Variants in ST14 observed in about 807,000 individuals in gnomAD.
ST14 encodes the protein ST14 transmembrane serine protease matriptase.
In ST14, 40 loss-of-function variants were observed where a neutral mutation model predicts 96.5. The observed-to-expected ratio is 0.41, with a 90% CI of 0.32 to 0.54. The LOEUF (loss-of-function observed/expected upper bound fraction) is 0.54. Among genes scored for constraint, ST14 ranks in the 20% least tolerant of loss-of-function variants. The pLI, the probability that ST14 is intolerant of heterozygous loss-of-function variation, is 0.17. For missense variants in ST14, 1,066 were observed against 1,188.9 expected (o/e 0.90, Z 1.52); for synonymous variants, 506 against 492.1 (o/e 1.03, Z -0.37).
At chr11:130,169,337 C>T (rs1485280986) in intron 1 of ST14, among the ~76,000 whole-genome samples, 1 of 152,130 alleles carries the variant, frequency 6.6e-6, no homozygotes, top group Non-Finnish European at 1.5e-5. Context: ...TCAGGTGATC[C>T]ACCCGCCTTG....
chr11:130,167,301 AT>A (rs1418972151), intron 1 of ST14, among the ~76,000 whole-genome samples: 1 of 152,174 alleles, frequency 6.6e-6, no homozygotes, highest in Non-Finnish European at 1.5e-5. Flanking sequence ...TTCTAAAAAA[AT>A]TTTTTTCCTC....
In ST14 at chr11:130,196,393, C is replaced by T; in HGVS notation, c.1168C>T (p.Pro390Ser). The T allele has an allele frequency of 6.2e-7, 1 of 1,609,854 alleles. No individual in the cohort carries two copies. The highest frequency in any genetic ancestry group is 1.1e-5 in the South Asian group (1 of 89,984). ...VRFKFFYLLE[P>S]GVPAGTCPKD... ...CTTCAAATTCTTCTACCTGCTGGAG[C>T]CCGGCGTGCCTGCGGGCACCTGCCC... is the stretch of plus-strand genomic sequence containing the variant. Residue 390 changes from proline (P) to serine (S), a missense_variant, in exon 10 of 19, where the codon CCC becomes TCC. Physicochemically the swap from Pro to Ser is moderately conservative, Grantham distance 74 (BLOSUM62 -1). Coordinates refer to ENST00000278742, the MANE Select transcript of ST14 (RefSeq NM_021978.4).
At position 130,194,154 on chromosome 11, in the gene ST14, G is replaced by A; in HGVS notation, c.881G>A (p.Cys294Tyr). 6.2e-7 allele frequency: 1 copy of A among 1,614,212 alleles called. No individual in the cohort carries two copies. Among genetic ancestry groups the A allele is most frequent in the South Asian group, 1.1e-5 (1 of 91,086 alleles). The change falls in exon 8 of 19, where the codon TGT becomes TAT. Residue 294 changes from cysteine (C) to tyrosine (Y), a missense_variant. By Grantham distance (194) the Cys-to-Tyr change is radical. Transcript: ENST00000278742. ...CCCGCCCTCTGCCCCCACAGGTTGT[G>A]TGGCACCTACCCTCCCTCCTACAAC... ...PMEPHALVQL[C>Y]GTYPPSYNLT...
chr11:130,167,753 C>A (rs780302218), intron 1 of ST14, among the ~76,000 whole-genome samples: 8 of 151,744 alleles, frequency 5.3e-5, no homozygotes, highest in Non-Finnish European at 1.2e-4. Flanking sequence ...CTTGCTCTGT[C>A]GCCTAGGCTG....
rs182618670 is a variant in ST14, at chr11:130,195,742, G to C, written c.1114-597G>C. Among the ~76,000 whole-genome samples the C allele has an allele frequency of 2.0e-5, 3 of 152,042 alleles. No individual in the cohort carries two copies. In the East Asian group the frequency reaches 5.8e-4, roughly 29 times the overall value. On this transcript the variant is annotated intron_variant, in intron 9 of 18. Coordinates refer to ENST00000278742, the MANE Select transcript of ST14 (RefSeq NM_021978.4). ...ATGGCGGGCACCTGTAATCCCAGCT[G>C]CTCGGGAGACTGAGGCAGGAAAGTA...
rs567274534 is a variant in ST14 at position 130,161,569 on chromosome 11, G to A, written c.81+1509G>A. Among the ~76,000 whole-genome samples the A allele has an allele frequency of 1.9e-3, 286 of 151,996 alleles. 2 individuals are homozygous for A. The highest frequency in any genetic ancestry group is 6.5e-3 in the African/African-American group (272 of 41,530). On this transcript the variant is annotated intron_variant, in intron 1 of 18. Transcript: ENST00000278742. Reference sequence around the variant, plus strand: ...CCACCTGACAAGCAGCCAGGCTGGGGCTCACCTTCCACTCACCCCCAGGAT... The same window carrying A: ...CCACCTGACAAGCAGCCAGGCTGGGACTCACCTTCCACTCACCCCCAGGAT...
At chr11:130,202,583 C>CA (rs923402932) in intron 16 of ST14, among the ~76,000 whole-genome samples, 62 of 152,298 alleles carry the variant, frequency 4.1e-4, no homozygotes, top group African/African-American at 1.3e-3. Context: ...TCAGACCTTC[C>CA]AGACAAAGGG....
rs116691770 is a variant in ST14 at position 130,177,910 on chromosome 11, G to C, written c.82-10204G>C. On this transcript the variant is annotated intron_variant, in intron 1 of 18. Coordinates refer to ENST00000278742, the MANE Select transcript of ST14 (RefSeq NM_021978.4). ...CTGTGCCAATTCTCATGAGCGGTGC[G>C]AGGTCCTAACCGGGTCCATGCACCT... Among the ~76,000 whole-genome samples the C allele has an allele frequency of 6.3e-3, 963 of 152,352 alleles. 8 individuals are homozygous for C. Among genetic ancestry groups the C allele is most frequent in the African/African-American group, 0.022 (897 of 41,576 alleles).
intron 16 of ST14, 142 bp downstream of exon 16, chr11:130,200,279 T>C (rs1460413792): frequency 1.1e-6 from 1 of 929,388 alleles, no homozygotes; most frequent in Non-Finnish European, 1.6e-6. Flanking sequence ...TCTAAAGAAA[T>C]ACCTGAGACT....
chr11:130,162,923 G>A (rs1490117833), intron 1 of ST14, among the ~76,000 whole-genome samples: 1 of 152,188 alleles, frequency 6.6e-6, no homozygotes, highest in African/African-American at 2.4e-5. Flanking sequence ...CTAGCCACGT[G>A]ATCTCAGAGA....
chr11:130,184,015 G>C (rs1237534651), intron 1 of ST14, among the ~76,000 whole-genome samples: 1 of 152,228 alleles, frequency 6.6e-6, no homozygotes, highest in Non-Finnish European at 1.5e-5. Flanking sequence ...CGTGCGGAGT[G>C]AAAGAAGCCA....
chr11:130,198,118 T>TTA (rs1393389305), intron 12 of ST14, among the ~76,000 whole-genome samples, 173 bp downstream of exon 12: 468 of 152,320 alleles, frequency 3.1e-3, no homozygotes, highest in African/African-American at 0.011. Flanking sequence ...TATGGAGATC[T>TTA]TGGCCTGTGG....
Position 130,208,506 on chromosome 11 carries a change from C to T in ST14, c.2091C>T (p.Ile697=). The T allele has an allele frequency of 6.2e-7, 1 of 1,614,228 alleles. No homozygotes were observed. Among genetic ancestry groups the T allele is most frequent in the Non-Finnish European group, 8.5e-7 (1 of 1,180,042 alleles). ...PGVQERRLKR[I]ISHPFFNDFT... ...TGCAGGAGCGCAGGCTCAAGCGCATCATCTCCCACCCCTTCTTCAATGACT... is the reference window on the plus strand; with the variant it reads ...TGCAGGAGCGCAGGCTCAAGCGCATTATCTCCCACCCCTTCTTCAATGACT... Residue 697 remains isoleucine (I), a synonymous_variant, in exon 17 of 19, where the codon ATC becomes ATT. Coordinates refer to ENST00000278742, the MANE Select transcript of ST14 (RefSeq NM_021978.4).
In ST14 at chr11:130,208,695, G is replaced by C. The variant is rs774492157; in HGVS notation, c.2269+11G>C. On this transcript the variant is annotated intron_variant, in intron 17 of 18. Coordinates refer to ENST00000278742, the MANE Select transcript of ST14 (RefSeq NM_021978.4). ...ACACCCAGTATGGAGGTAAGCTTCG[G>C]GCTGACCTAGGGCTCCGCAGAGGGC... 6.2e-7 allele frequency: 1 copy of C among 1,610,918 alleles called. No individual in the cohort carries two copies. Among genetic ancestry groups the C allele is most frequent in the South Asian group, 1.1e-5 (1 of 90,902 alleles).
chr11:130,178,017 A>G (rs1029587051), intron 1 of ST14, among the ~76,000 whole-genome samples: 3 of 152,248 alleles, frequency 2.0e-5, no homozygotes, highest in Non-Finnish European at 2.9e-5. Flanking sequence ...CCAAAGAGAC[A>G]GCTCTCCTTA....
At position 130,198,600 on chromosome 11, in the gene ST14, G is replaced by C. The variant is rs767694949; in HGVS notation, c.1663G>C (p.Asp555His). 6 of 1,613,882 alleles carry C rather than the reference G, an allele frequency of 3.7e-6. No homozygotes were observed. The highest frequency in any genetic ancestry group is 5.1e-6 in the Non-Finnish European group (6 of 1,179,974). The change falls in exon 14 of 19, where the codon GAC becomes CAC. Residue 555 changes from aspartate (D) to histidine (H), a missense_variant. Transcript: ENST00000278742. The stretch of plus-strand genomic sequence containing the variant: ...GAAGGACGACTGTGGGGACGGGTCC[G>C]ACGAGGCCTCCTGCCCCAAGGGTGA... ...NGKDDCGDGSDEASCPKVNVV... is the reference protein window; with the variant it reads ...NGKDDCGDGSHEASCPKVNVV...
In ST14 at chr11:130,198,378, T is replaced by C. The variant is rs1953390562; in HGVS notation, c.1530T>C (p.Ser510=). Reference sequence around the variant, plus strand: ...AGCCCCTCTTCTGGGTCTGCGACAGTGTGAACGACTGCGGAGACAACAGCG... The same window carrying C: ...AGCCCCTCTTCTGGGTCTGCGACAGCGTGAACGACTGCGGAGACAACAGCG... The part of the protein sequence containing the change: ...FCKPLFWVCD[S]VNDCGDNSDE... The change falls in exon 13 of 19, where the codon AGT becomes AGC. Residue 510 remains serine (S), a synonymous_variant. Coordinates refer to ENST00000278742, the MANE Select transcript of ST14 (RefSeq NM_021978.4). 6.2e-7 allele frequency: 1 copy of C among 1,614,084 alleles called. No homozygotes were observed. The highest frequency in any genetic ancestry group is 8.5e-7 in the Non-Finnish European group (1 of 1,180,006).
chr11:130,189,430 A>T, intron 4 of ST14: 1 of 498,400 alleles, frequency 2.0e-6, no homozygotes. Flanking sequence ...AAACAGGCTC[A>T]GGAAGGTGAC....
At chr11:130,167,171 A>T (rs563324431) in intron 1 of ST14, among the ~76,000 whole-genome samples, 1 of 152,356 alleles carries the variant, frequency 6.6e-6, no homozygotes, top group Non-Finnish European at 1.5e-5. Flanking sequence ...AGATCGTGCC[A>T]TTGCACTCCA....
Sources: gnomAD v4.1 joint callset for allele counts (sites outside exome capture counted in the v4.1 genomes callset) on GRCh38, gnomAD v4.1.1 for gene constraint, MANE v1.5 for transcripts, NCBI Gene and HGNC (gene_info 2026-07-23, HGNC 2026-07-21) for gene names.